FAM13A: variants seen among roughly 807,000 people sequenced by gnomAD.
FAM13A encodes protein FAM13A.
A neutral mutation model predicts 129.6 loss-of-function variants in FAM13A; 76 were observed. The ratio of observed to expected loss-of-function variants is 0.59; its 90% confidence interval spans 0.49 to 0.71. The LOEUF (loss-of-function observed/expected upper bound fraction) is 0.71. Among genes scored for constraint, FAM13A ranks in the 30% least tolerant of loss-of-function variants. The pLI is 0.00. For synonymous variants in FAM13A, 443 were observed against 449.9 expected (o/e 0.98, Z 0.20); for missense variants, 1,108 against 1,249.3 (o/e 0.89, Z 1.70).
chr4:89,000,878 C>A (rs759318540), intron 3 of FAM13A, among the ~76,000 whole-genome samples: 3 of 152,162 alleles, frequency 2.0e-5, no homozygotes, highest in Non-Finnish European at 4.4e-5. Context: ...AAGAATAAGT[C>A]CTCAAGGATA....
chr4:88,824,852 C>A (rs1396027994), intron 7 of FAM13A, among the ~76,000 whole-genome samples: 1 of 151,770 alleles, frequency 6.6e-6, no homozygotes, highest in African/African-American at 2.4e-5. Flanking sequence ...GAATTACAGG[C>A]GCCCGCCACC....
intron 7 of FAM13A, among the ~76,000 whole-genome samples, chr4:88,836,498 T>C (rs1480998715): frequency 6.6e-6 from 1 of 152,212 alleles, no homozygotes; most frequent in African/African-American, 2.4e-5. Context: ...TCTGATTCAT[T>C]TATGAATGTA....
intron 21 of FAM13A, chr4:88,732,576 C>T (rs1738069188): frequency 6.3e-6 from 1 of 158,642 alleles, no homozygotes; most frequent in South Asian, 2.1e-4. Context: ...CAAAATTCAT[C>T]ACCAGTAACC....
intron 7 of FAM13A, among the ~76,000 whole-genome samples, chr4:88,819,317 C>T (rs1328604292): frequency 6.6e-6 from 1 of 152,204 alleles, no homozygotes; most frequent in African/African-American, 2.4e-5. Flanking sequence ...TCAGCACTCA[C>T]AGGTTCATAA....
chr4:88,968,611 T>C (rs144615100), intron 4 of FAM13A, among the ~76,000 whole-genome samples: 203 of 152,346 alleles, frequency 1.3e-3, no homozygotes, highest in African/African-American at 4.4e-3. Context: ...AAGGGAATCA[T>C]AGACAATAAT....
Position 88,739,104 on chromosome 4 carries a change from C to T in FAM13A, c.2488G>A (p.Val830Met). The change falls in exon 20 of 24, where the codon GTG becomes ATG. Residue 830 changes from valine to methionine, a missense_variant. Coordinates refer to ENST00000264344, the MANE Select transcript of FAM13A (RefSeq NM_014883.4). ...TACCTGTCGTATAGTGGCTTCATCA[C>T]CTGCCGTTCGTTCTTTGTTACCTGA... ...GRPVTKNERQ[V>M]MKPLYDRYRL... 2 of 1,613,794 alleles carry T rather than the reference C, an allele frequency of 1.2e-6. No individual in the cohort carries two copies. The highest frequency in any genetic ancestry group is 8.5e-7 in the Non-Finnish European group (1 of 1,179,806).
chr4:89,020,244 T>C (rs917806171), intron 3 of FAM13A, among the ~76,000 whole-genome samples: 1 of 151,260 alleles, frequency 6.6e-6, no homozygotes, highest in Non-Finnish European at 1.5e-5. Flanking sequence ...ATTTAGTATG[T>C]TTACTAAAAA....
At chr4:88,749,301 C>T (rs1742045719) in intron 16 of FAM13A, among the ~76,000 whole-genome samples, 1 of 152,152 alleles carries the variant, frequency 6.6e-6, no homozygotes, top group Non-Finnish European at 1.5e-5. Flanking sequence ...ACCCCCTTGC[C>T]ATTATTTGTA....
intron 11 of FAM13A, among the ~76,000 whole-genome samples, chr4:88,774,763 A>C (rs1222552406): frequency 6.6e-6 from 1 of 152,214 alleles, no homozygotes; most frequent in African/African-American, 2.4e-5. Context: ...TTTTTTTAAA[A>C]AGCAGAATCA....
chr4:88,884,128 A>T (rs539767785), intron 6 of FAM13A, among the ~76,000 whole-genome samples: 1 of 152,298 alleles, frequency 6.6e-6, no homozygotes, highest in African/African-American at 2.4e-5. Flanking sequence ...CACAAGATAG[A>T]GAAGGAAGGA....
chr4:88,981,675 C>G (rs936524959), intron 4 of FAM13A, among the ~76,000 whole-genome samples: 3 of 152,080 alleles, frequency 2.0e-5, no homozygotes, highest in African/African-American at 7.2e-5. Flanking sequence ...GAAAAGGAGG[C>G]AAGCAGGGAT....
chr4:88,759,111 T>C (rs1233152863), intron 13 of FAM13A: 18 of 481,928 alleles, frequency 3.7e-5, no homozygotes, highest in Non-Finnish European at 6.4e-5. Context: ...TCCTTTAACT[T>C]TCCCCAGGCT....
At chr4:88,814,339 T>C (rs1394604131) in intron 7 of FAM13A, among the ~76,000 whole-genome samples, 3 of 152,118 alleles carry the variant, frequency 2.0e-5, no homozygotes, top group Non-Finnish European at 2.9e-5. Flanking sequence ...GAGGGTCACG[T>C]AGGCATTTTT....
At chr4:88,751,988 T>C (rs1046425565) in intron 14 of FAM13A, among the ~76,000 whole-genome samples, 10 of 152,194 alleles carry the variant, frequency 6.6e-5, no homozygotes, top group Admixed American at 5.9e-4. Context: ...AGGCTTCTAT[T>C]TAAAAATATA....
intron 6 of FAM13A, among the ~76,000 whole-genome samples, chr4:88,854,585 G>A (rs1738180961): frequency 6.6e-6 from 1 of 152,120 alleles, no homozygotes; most frequent in Admixed American, 6.5e-5. Context: ...GTATGTGAAG[G>A]TAAAAACTAT....
At chr4:88,788,011 T>C in intron 9 of FAM13A, 79 bp from the exon 10 acceptor site, 4 of 1,108,532 alleles carry the variant, frequency 3.6e-6, no homozygotes, top group Non-Finnish European at 5.2e-6. Context: ...CCTACAGTTT[T>C]GGGAACATCT....
intron 7 of FAM13A, among the ~76,000 whole-genome samples, chr4:88,842,257 GAGA>G (rs1735964139): frequency 6.6e-6 from 1 of 152,202 alleles, no homozygotes; most frequent in South Asian, 2.1e-4. Context: ...GACAAAGTGG[GAGA>G]AGGACACTCC....
At position 88,758,889 on chromosome 4, in the gene FAM13A, T is replaced by C; in HGVS notation, c.1591A>G (p.Lys531Glu). 1 of 1,613,864 alleles carries C rather than the reference T, an allele frequency of 6.2e-7. No individual in the cohort carries two copies. Among genetic ancestry groups the C allele is most frequent in the South Asian group, 1.1e-5 (1 of 91,068 alleles). The change falls in exon 14 of 24, where the codon AAG becomes GAG. Residue 531 changes from lysine to glutamate, a missense_variant. Physicochemically the swap from Lys to Glu is moderately conservative, Grantham distance 56 (BLOSUM62 1). Coordinates refer to ENST00000264344, the MANE Select transcript of FAM13A (RefSeq NM_014883.4). Reference sequence around the variant, plus strand: ...GATAGGCTGGGATGCTCCTGGATCTTCATTGTGGGGCTCTGCAATAACAGC... The same window carrying C: ...GATAGGCTGGGATGCTCCTGGATCTCCATTGTGGGGCTCTGCAATAACAGC... ...HTQHFESPTM[K>E]IQEHPSLSDT... is the part of the protein sequence containing the mutation.
chr4:88,728,892 T>C, intron 23 of FAM13A: 1 of 414,088 alleles, frequency 2.4e-6, no homozygotes, highest in South Asian at 3.2e-5. Flanking sequence ...TCTGGCATCC[T>C]GTATGATAAG....
Sources: gnomAD v4.1 joint callset for allele counts (sites outside exome capture counted in the v4.1 genomes callset) on GRCh38, gnomAD v4.1.1 for gene constraint, MANE v1.5 for transcripts, NCBI Gene and HGNC (gene_info 2026-07-23, HGNC 2026-07-21) for gene names.